The following SOX5 variants were observed in gnomAD, a reference collection of about 807,000 sequenced individuals.
SOX5 encodes transcription factor SOX-5.
A neutral mutation model predicts 92.0 loss-of-function variants in SOX5; 9 were observed. The ratio of observed to expected loss-of-function variants is 0.10; its 90% CI spans 0.06 to 0.17. SOX5 has a LOEUF of 0.17. Ranked by LOEUF, SOX5 falls within the 10% of genes least tolerant of loss-of-function variation. The probability of loss-of-function intolerance (pLI) is 1.00; values close to 1 mark genes in which losing one functional copy is unlikely to be tolerated. For missense variants in SOX5, 642 were observed against 944.5 expected, an observed-to-expected ratio of 0.68 and a Z score of 4.20; for synonymous variants, 344 against 336.3, an observed-to-expected ratio of 1.02 and a Z score of -0.25.
intron 4 of SOX5, among the ~76,000 whole-genome samples, chr12:24,089,340 C>T (rs1010072100): frequency 5.3e-5 from 8 of 151,980 alleles, no homozygotes; most frequent in Non-Finnish European, 8.8e-5. Flanking sequence ...GCATTACAGT[C>T]GTCATTACAA....
At chr12:23,908,460 T>G (rs2097316219) in intron 1 of SOX5, among the ~76,000 whole-genome samples, 1 of 151,950 alleles carries the variant, frequency 6.6e-6, no homozygotes, top group Admixed American at 6.6e-5. Context: ...GGGGGCTCAC[T>G]CTTTCTTTCC....
At chr12:24,315,522 T>C (rs1297834625) in intron 2 of SOX5, among the ~76,000 whole-genome samples, 1 of 152,132 alleles carries the variant, frequency 6.6e-6, no homozygotes, top group African/African-American at 2.4e-5. Context: ...TATATTATTA[T>C]GTAAAAAATA....
intron 3 of SOX5, among the ~76,000 whole-genome samples, chr12:23,826,186 C>A (rs1162379385): frequency 1.3e-5 from 2 of 150,620 alleles, no homozygotes; most frequent in Non-Finnish European, 3.0e-5. Flanking sequence ...CCCCCTACCC[C>A]ACAACAGGCC....
chr12:23,678,026 T>C (rs1277593409), intron 6 of SOX5, among the ~76,000 whole-genome samples: 2 of 152,130 alleles, frequency 1.3e-5, no homozygotes, highest in African/African-American at 4.8e-5. Flanking sequence ...AACTATACCA[T>C]AGCTAAGGAC....
intron 1 of SOX5, among the ~76,000 whole-genome samples, chr12:24,404,101 T>C (rs1962381725): frequency 6.6e-6 from 1 of 152,228 alleles, no homozygotes; most frequent in Non-Finnish European, 1.5e-5. Context: ...TGAACATATT[T>C]TATCCTTTTT....
chr12:24,190,325 G>A (rs896703272), intron 4 of SOX5, among the ~76,000 whole-genome samples: 1 of 152,062 alleles, frequency 6.6e-6, no homozygotes, highest in African/African-American at 2.4e-5. Context: ...AAAGATGGAG[G>A]GATTATCTAA....
chr12:24,245,672 T>C lies in SOX5; in HGVS notation c.-77+31544A>G, dbSNP rs867773142. On this transcript the variant is annotated intron_variant, in intron 3 of 4. Coordinates refer to the SOX5 transcript ENST00000446891. ...TATGTGTATATTATTATGGCCCATG[T>C]CTAGAATTGGTTTACGTGAAAATTA... 2.0e-5 allele frequency among the ~76,000 whole-genome samples: 3 copies of C among 152,130 alleles called. No individual in the cohort carries two copies. The South Asian group carries it at 6.2e-4, about 32-fold the overall frequency.
chr12:23,838,733 T>G (rs1182676376), intron 3 of SOX5, among the ~76,000 whole-genome samples: 2 of 152,010 alleles, frequency 1.3e-5, no homozygotes, highest in Non-Finnish European at 2.9e-5. Flanking sequence ...GACGTTTCTT[T>G]GTGTCTACAT....
chr12:24,057,190 A>G (rs1216108029), intron 4 of SOX5, among the ~76,000 whole-genome samples: 1 of 152,020 alleles, frequency 6.6e-6, no homozygotes, highest in Non-Finnish European at 1.5e-5. Flanking sequence ...GATGGTCTGA[A>G]GACAAAGAAA....
chr12:24,484,017 T>G (rs907411255), intron 1 of SOX5, among the ~76,000 whole-genome samples: 1 of 152,220 alleles, frequency 6.6e-6, no homozygotes, highest in Non-Finnish European at 1.5e-5. Flanking sequence ...GCTGCTGACT[T>G]AAAAGCGTTG....
intron 4 of SOX5, among the ~76,000 whole-genome samples, chr12:24,156,159 T>C (rs1033547728): frequency 1.3e-5 from 2 of 152,124 alleles, no homozygotes; most frequent in African/African-American, 4.8e-5. Flanking sequence ...TTCATCCCGT[T>C]ACCTGTAGGC....
Position 23,725,605 on chromosome 12 carries a change from C to T in SOX5, c.810+9079G>A, listed in dbSNP as rs1439172704. ...CACCATTTAAATGGAACTGGGGTTT[C>T]TGACTCTGAAGATCAGGAGAGAAAT... On this transcript the variant is annotated intron_variant, in intron 6 of 14. Coordinates refer to ENST00000451604, the MANE Select transcript of SOX5 (RefSeq NM_006940.6). Among the ~76,000 whole-genome samples, 3 of 152,242 alleles carry T rather than the reference C, an allele frequency of 2.0e-5. No homozygotes were observed. The East Asian group carries it at 5.8e-4, about 29-fold the overall frequency.
At chr12:24,424,815 G>GGGC (rs1555286331) in intron 1 of SOX5, among the ~76,000 whole-genome samples, 2 of 150,568 alleles carry the variant, frequency 1.3e-5, no homozygotes, top group Non-Finnish European at 3.0e-5. Context: ...TTTTGGGGGG[G>GGGC]GGGGATGGCT....
At chr12:24,034,285 G>A (rs946046639) in intron 4 of SOX5, among the ~76,000 whole-genome samples, 1 of 152,008 alleles carries the variant, frequency 6.6e-6, no homozygotes, top group South Asian at 2.1e-4. Flanking sequence ...GGAAACAAAA[G>A]GCAGATTATT....
At chr12:23,860,613 C>A (rs535363721) in intron 2 of SOX5, among the ~76,000 whole-genome samples, 201 of 152,274 alleles carry the variant, frequency 1.3e-3, no homozygotes, top group Non-Finnish European at 1.9e-3. Context: ...GCCATACAAT[C>A]TCCCTCAGGA....
chr12:24,418,715 TA>T (rs955151623), intron 1 of SOX5, among the ~76,000 whole-genome samples: 23 of 152,232 alleles, frequency 1.5e-4, no homozygotes, highest in African/African-American at 5.1e-4. Context: ...CCTTTATTAT[TA>T]AACTGGTTTG....
At chr12:24,352,639 T>G (rs902440527) in intron 2 of SOX5, among the ~76,000 whole-genome samples, 9 of 152,256 alleles carry the variant, frequency 5.9e-5, no homozygotes, top group Admixed American at 2.0e-4. Context: ...AATATTAACT[T>G]GTCTGGGCCT....
chr12:23,861,662 T>A (rs2096758747), intron 2 of SOX5, among the ~76,000 whole-genome samples: 1 of 152,136 alleles, frequency 6.6e-6, no homozygotes, highest in Non-Finnish European at 1.5e-5. Context: ...GAATACAAGC[T>A]CTATTTATGT....
At chr12:23,714,501 A>G (rs189826984) in intron 6 of SOX5, among the ~76,000 whole-genome samples, 5 of 152,312 alleles carry the variant, frequency 3.3e-5, no homozygotes, top group Non-Finnish European at 5.9e-5. Context: ...GTGCGCCTGT[A>G]ATCCCAGCTA....
Sources: gnomAD v4.1 joint callset for allele counts (sites outside exome capture counted in the v4.1 genomes callset) on GRCh38, gnomAD v4.1.1 for gene constraint, MANE v1.5 for transcripts, NCBI Gene and HGNC (gene_info 2026-07-23, HGNC 2026-07-21) for gene names.